Variants in MAGI2 observed in about 807,000 individuals in gnomAD.
MAGI2 encodes membrane-associated guanylate kinase, WW and PDZ domain-containing protein 2.
A neutral mutation model predicts 133.3 loss-of-function variants in MAGI2; 35 were observed. The observed-to-expected ratio is 0.26, with a 90% confidence interval of 0.20 to 0.35. The LOEUF (loss-of-function observed/expected upper bound fraction) is 0.35. Ranked by LOEUF, MAGI2 falls within the 10% of genes least tolerant of loss-of-function variation. The probability of loss-of-function intolerance (pLI) is 1.00; values close to 1 mark genes in which losing one functional copy is unlikely to be tolerated. For missense variants in MAGI2, 1,636 were observed against 1,863.4 expected (o/e 0.88, Z 2.25); for synonymous variants, 729 against 710.6 (o/e 1.03, Z -0.41).
chr7:78,137,335 G>A (rs1822259141), intron 16 of MAGI2, among the ~76,000 whole-genome samples: 1 of 152,190 alleles, frequency 6.6e-6, no homozygotes, highest in African/African-American at 2.4e-5. Context: ...TATACTAATA[G>A]CATTGACTTC....
Position 78,048,549 on chromosome 7 carries a change from G to A in MAGI2, c.3707-28573C>T, listed in dbSNP as rs545578733. ...TATATAAAAATGTATGATCTGGGTGGTATTTCTCACTACCCCCCTAAAAAG... is the reference window on the plus strand; with the variant it reads ...TATATAAAAATGTATGATCTGGGTGATATTTCTCACTACCCCCCTAAAAAG... On this transcript the variant is annotated intron_variant, in intron 21 of 21. Transcript: ENST00000354212. Among the ~76,000 whole-genome samples the A allele has an allele frequency of 4.6e-5, 7 of 152,102 alleles. No individual in the cohort carries two copies. The South Asian group carries it at 1.5e-3, about 32-fold the overall frequency.
chr7:78,891,722 C>T (rs565294374), intron 2 of MAGI2, among the ~76,000 whole-genome samples: 2 of 152,146 alleles, frequency 1.3e-5, no homozygotes, highest in Non-Finnish European at 1.5e-5. Flanking sequence ...ACTGATGGGA[C>T]GTATTTCAAA....
intron 10 of MAGI2, among the ~76,000 whole-genome samples, chr7:78,237,946 C>T (rs538641692): frequency 2.6e-5 from 4 of 152,272 alleles, no homozygotes; most frequent in African/African-American, 9.6e-5. Context: ...TGAGTGGTCA[C>T]GTTAGCTCAA....
rs369944200 is a variant in MAGI2 at position 78,075,748 on chromosome 7, T to G, written c.3706+3199A>C. Among the ~76,000 whole-genome samples, 23 of 152,244 alleles carry G rather than the reference T, an allele frequency of 1.5e-4. No individual in the cohort carries two copies. In the East Asian group the frequency reaches 4.2e-3, roughly 28 times the overall value. ...AGGCCTCCTAGAAAATCTCTAAATG[T>G]GAAGGTGGTCTTGGGGACTCCTGGG... On this transcript the variant is annotated intron_variant, in intron 21 of 21. Coordinates refer to ENST00000354212, the MANE Select transcript of MAGI2 (RefSeq NM_012301.4).
intron 9 of MAGI2, among the ~76,000 whole-genome samples, chr7:78,306,149 A>G (rs1798228179): frequency 6.6e-6 from 1 of 152,220 alleles, no homozygotes; most frequent in Non-Finnish European, 1.5e-5. Flanking sequence ...CTTCATTGTT[A>G]TCAAAGACTT....
chr7:78,316,420 A>G (rs1301684758), intron 9 of MAGI2, among the ~76,000 whole-genome samples: 1 of 152,204 alleles, frequency 6.6e-6, no homozygotes, highest in Admixed American at 6.5e-5. Flanking sequence ...CTTTAAGTTG[A>G]TTTCTACATG....
intron 1 of MAGI2, among the ~76,000 whole-genome samples, chr7:79,137,261 G>A (rs1440733723): frequency 1.3e-5 from 2 of 152,050 alleles, no homozygotes; most frequent in Non-Finnish European, 2.9e-5. Context: ...TTCACAGTCA[G>A]TGCTAACATA....
At chr7:78,517,548 G>C (rs1481703583) in intron 4 of MAGI2, among the ~76,000 whole-genome samples, 2 of 152,102 alleles carry the variant, frequency 1.3e-5, no homozygotes, top group African/African-American at 2.4e-5. Context: ...ATTATTATGG[G>C]ATTAGAGATA....
At chr7:78,549,748 A>C (rs1221273034) in intron 3 of MAGI2, among the ~76,000 whole-genome samples, 1 of 152,204 alleles carries the variant, frequency 6.6e-6, no homozygotes, top group Non-Finnish European at 1.5e-5. Flanking sequence ...TGACCTATAA[A>C]ACACAAGTAT....
intron 3 of MAGI2, among the ~76,000 whole-genome samples, chr7:78,530,444 G>C (rs17371672): frequency 0.14 from 21,848 of 152,130 alleles, 2,096 homozygotes; most frequent in Non-Finnish European, 0.21. Flanking sequence ...AAAAAAGAAT[G>C]AATGTTTTAG....
chr7:79,417,562 G>A (rs2129176624), intron 1 of MAGI2, among the ~76,000 whole-genome samples: 1 of 152,182 alleles, frequency 6.6e-6, no homozygotes, highest in Middle Eastern at 3.4e-3. Flanking sequence ...CATCTATGTA[G>A]GCGTTATCTA....
At chr7:78,706,006 A>C (rs979670232) in intron 2 of MAGI2, among the ~76,000 whole-genome samples, 1 of 152,102 alleles carries the variant, frequency 6.6e-6, no homozygotes, top group Non-Finnish European at 1.5e-5. Context: ...CTTACCATAG[A>C]GTAGCTATGT....
intron 20 of MAGI2, among the ~76,000 whole-genome samples, chr7:78,105,067 A>G (rs1818548373): frequency 6.6e-6 from 1 of 152,132 alleles, no homozygotes; most frequent in South Asian, 2.1e-4. Flanking sequence ...ATATGGCTAT[A>G]TCCCTCAATA....
intron 4 of MAGI2, among the ~76,000 whole-genome samples, chr7:78,513,775 T>G (rs942146530): frequency 6.6e-6 from 1 of 152,054 alleles, no homozygotes; most frequent in Non-Finnish European, 1.5e-5. Context: ...GTTGAGTGCA[T>G]GCAATGCTGA....
At chr7:78,157,112 A>G (rs1214580278) in intron 16 of MAGI2, among the ~76,000 whole-genome samples, 3 of 152,222 alleles carry the variant, frequency 2.0e-5, no homozygotes, top group Non-Finnish European at 4.4e-5. Context: ...GATGTTAAGT[A>G]TGAGGTAGCA....
intron 3 of MAGI2, among the ~76,000 whole-genome samples, chr7:78,524,331 T>G (rs1796769137): frequency 6.6e-6 from 1 of 151,972 alleles, no homozygotes; most frequent in Non-Finnish European, 1.5e-5. Flanking sequence ...CTCACTGGGT[T>G]GTTGTGAAGA....
chr7:78,022,335 A>G (rs954189967), intron 21 of MAGI2, among the ~76,000 whole-genome samples: 4 of 152,212 alleles, frequency 2.6e-5, no homozygotes, highest in Non-Finnish European at 5.9e-5. Context: ...TCACATTTTA[A>G]TAGCTCTTTT....
intron 1 of MAGI2, among the ~76,000 whole-genome samples, chr7:79,236,611 C>A (rs1421406275): frequency 6.6e-6 from 1 of 152,092 alleles, no homozygotes; most frequent in African/African-American, 2.4e-5. Flanking sequence ...ACCTCATGTC[C>A]CAAGTCTGTA....
chr7:78,187,015 G>A (rs952134621), intron 12 of MAGI2, among the ~76,000 whole-genome samples: 8 of 152,128 alleles, frequency 5.3e-5, no homozygotes, highest in African/African-American at 1.9e-4. Context: ...TCTACGTTAA[G>A]ATATGCTGAG....
Sources: gnomAD v4.1 joint callset for allele counts (sites outside exome capture counted in the v4.1 genomes callset) on GRCh38, gnomAD v4.1.1 for gene constraint, MANE v1.5 for transcripts, NCBI Gene and HGNC (gene_info 2026-07-23, HGNC 2026-07-21) for gene names.